The following MYT1L variants were observed in gnomAD, a reference collection of about 807,000 sequenced individuals.
MYT1L encodes myelin transcription factor 1 like, also known as myelin transcription factor 1-like protein.
MYT1L carries 12 observed loss-of-function variants against 126.7 expected under a neutral mutation model. The ratio of observed to expected loss-of-function variants is 0.09; its 90% CI spans 0.06 to 0.15. MYT1L has a LOEUF of 0.15. Ranked by LOEUF, MYT1L falls within the 10% of genes least tolerant of loss-of-function variation. The pLI is 1.00. For synonymous variants in MYT1L, 541 were observed against 604.2 expected (o/e 0.90, Z 1.53); for missense variants, 979 against 1,585.2 (o/e 0.62, Z 6.49).
intron 4 of MYT1L, among the ~76,000 whole-genome samples, chr2:2,024,223 C>T (rs2065310219): frequency 1.3e-5 from 2 of 152,204 alleles, no homozygotes; most frequent in African/African-American, 2.4e-5. Flanking sequence ...ATATATACTA[C>T]ATTATTATTA....
At chr2:1,862,541 G>C (rs2044824608) in intron 18 of MYT1L, among the ~76,000 whole-genome samples, 1 of 152,090 alleles carries the variant, frequency 6.6e-6, no homozygotes, top group Admixed American at 6.5e-5. Flanking sequence ...GCTTTTTATT[G>C]ATCAGTTCAC....
At chr2:1,956,282 ATC>A (rs2058375021) in intron 8 of MYT1L, among the ~76,000 whole-genome samples, 1 of 108,860 alleles carries the variant, frequency 9.2e-6, no homozygotes, top group East Asian at 4.4e-4. Flanking sequence ...CTATCTACCT[ATC>A]TATCATCTAT....
chr2:2,268,750 T>C (rs981361809), intron 2 of MYT1L, among the ~76,000 whole-genome samples: 1 of 152,212 alleles, frequency 6.6e-6, no homozygotes, highest in African/African-American at 2.4e-5. Context: ...TTGTTAACCC[T>C]GAGCTGCCTT....
At chr2:1,952,593 G>GT (rs1191434857) in intron 8 of MYT1L, among the ~76,000 whole-genome samples, 1 of 151,426 alleles carries the variant, frequency 6.6e-6, no homozygotes, top group Non-Finnish European at 1.5e-5. Context: ...GTGTGCCTCT[G>GT]TTCCTTTAAA....
At chr2:1,909,621 G>A (rs115078190) in intron 13 of MYT1L, among the ~76,000 whole-genome samples, 1,756 of 152,252 alleles carry the variant, frequency 0.012, 38 homozygotes, top group African/African-American at 0.04. Context: ...GGTTTCAGCC[G>A]GATGATCTGC....
chr2:2,072,919 T>G (rs1477512235), intron 3 of MYT1L, among the ~76,000 whole-genome samples: 1 of 152,158 alleles, frequency 6.6e-6, no homozygotes, highest in Non-Finnish European at 1.5e-5. Context: ...TTACCCAGTC[T>G]CAGGTAGTGT....
At chr2:2,313,188 G>A (rs149629084) in intron 1 of MYT1L, among the ~76,000 whole-genome samples, 20 of 152,184 alleles carry the variant, frequency 1.3e-4, no homozygotes, top group Middle Eastern at 3.4e-3. Flanking sequence ...CATGTCCTTG[G>A]CATAGTAACA....
At chr2:1,828,022 C>T (rs537475670) in intron 21 of MYT1L, 1 of 152,386 alleles carries the variant, frequency 6.6e-6, no homozygotes, top group East Asian at 1.9e-4. Flanking sequence ...CCCAGCAGCC[C>T]TGGAGCAGCC....
At chr2:2,278,027 C>T (rs974526766) in intron 2 of MYT1L, among the ~76,000 whole-genome samples, 10 of 152,160 alleles carry the variant, frequency 6.6e-5, no homozygotes, top group African/African-American at 2.2e-4. Context: ...AATTCAGAAA[C>T]ACTTTTCATA....
chr2:2,278,136 A>G (rs2095393824), intron 2 of MYT1L, among the ~76,000 whole-genome samples: 1 of 152,238 alleles, frequency 6.6e-6, no homozygotes, highest in Non-Finnish European at 1.5e-5. Flanking sequence ...AGTTAATGGT[A>G]GTGGCCATAT....
chr2:2,050,148 A>G (rs915579504), intron 4 of MYT1L, among the ~76,000 whole-genome samples: 2 of 152,038 alleles, frequency 1.3e-5, no homozygotes, highest in Admixed American at 6.6e-5. Flanking sequence ...TCACTTGACC[A>G]TTTACTTCTG....
intron 13 of MYT1L, among the ~76,000 whole-genome samples, chr2:1,903,504 C>T (rs188463575): frequency 1.1e-3 from 162 of 152,244 alleles, no homozygotes; most frequent in African/African-American, 3.8e-3. Context: ...CAGTCAACTT[C>T]GGCAATAAAA....
At chr2:2,051,133 A>G (rs1433528591) in intron 4 of MYT1L, among the ~76,000 whole-genome samples, 1 of 152,146 alleles carries the variant, frequency 6.6e-6, no homozygotes, top group Non-Finnish European at 1.5e-5. Context: ...CACAGACAGT[A>G]CCCATGCTCA....
At chr2:1,846,770 C>A (rs1361815496) in intron 19 of MYT1L, among the ~76,000 whole-genome samples, 2 of 152,186 alleles carry the variant, frequency 1.3e-5, no homozygotes, top group African/African-American at 4.8e-5. Flanking sequence ...ACCCTCCGGA[C>A]CCTCTGACTA....
chr2:1,893,988 C>G (rs2049255688), intron 14 of MYT1L, among the ~76,000 whole-genome samples: 1 of 152,216 alleles, frequency 6.6e-6, no homozygotes, highest in Admixed American at 6.5e-5. Flanking sequence ...CCAAAAGCTA[C>G]AGAGAATTCC....
intron 3 of MYT1L, among the ~76,000 whole-genome samples, chr2:2,101,462 C>A (rs998543429): frequency 6.6e-6 from 1 of 152,138 alleles, no homozygotes; most frequent in Admixed American, 6.6e-5. Context: ...ACCACCCACC[C>A]ACCCACCAAT....
chr2:1,874,854 C>T (rs3934843), intron 18 of MYT1L, among the ~76,000 whole-genome samples: 45,429 of 151,940 alleles, frequency 0.3, 8,607 homozygotes, highest in African/African-American at 0.54. Flanking sequence ...TTTTCAGGCT[C>T]GCGTGAACTT....
chr2:1,802,167 T>C (rs546188160), intron 22 of MYT1L, among the ~76,000 whole-genome samples: 3 of 152,254 alleles, frequency 2.0e-5, no homozygotes, highest in Admixed American at 6.5e-5. Flanking sequence ...TTTTGTTCTC[T>C]CTCTCGACTC....
intron 4 of MYT1L, among the ~76,000 whole-genome samples, chr2:2,000,933 G>A (rs1182473774): frequency 6.6e-6 from 1 of 152,130 alleles, no homozygotes; most frequent in Non-Finnish European, 1.5e-5. Flanking sequence ...TCTAATCCTG[G>A]TTCCCCTGGG....
Sources: gnomAD v4.1 joint callset for allele counts (sites outside exome capture counted in the v4.1 genomes callset) on GRCh38, gnomAD v4.1.1 for gene constraint, MANE v1.5 for transcripts, NCBI Gene and HGNC (gene_info 2026-07-23, HGNC 2026-07-21) for gene names.